The following ATRN variants were observed in gnomAD, a reference collection of about 807,000 sequenced individuals.
ATRN encodes attractin.
In ATRN, 54 loss-of-function variants were observed where a neutral mutation model predicts 178.7. The ratio of observed to expected loss-of-function variants is 0.30; its 90% CI spans 0.24 to 0.38. The LOEUF is 0.38. Ranked by LOEUF, ATRN falls within the 10% of genes least tolerant of loss-of-function variation. The pLI is 1.00. For synonymous variants in ATRN, 636 were observed against 663.0 expected, an observed-to-expected ratio of 0.96 and a Z score of 0.63; for missense variants, 1,443 against 1,815.1, an observed-to-expected ratio of 0.79 and a Z score of 3.73.
At chr20:3,608,756 C>T (rs1464961146) in intron 24 of ATRN, among the ~76,000 whole-genome samples, 1 of 152,112 alleles carries the variant, frequency 6.6e-6, no homozygotes, top group Non-Finnish European at 1.5e-5. Flanking sequence ...CACCTGAGGT[C>T]AGGAGTTCGA....
chr20:3,542,335 C>T (rs1047076522), intron 3 of ATRN, among the ~76,000 whole-genome samples: 1 of 152,248 alleles, frequency 6.6e-6, no homozygotes, highest in Non-Finnish European at 1.5e-5. Context: ...TATCAGGAGC[C>T]TTGTAGGAAC....
At chr20:3,607,225 A>G (rs551223400) in intron 24 of ATRN, among the ~76,000 whole-genome samples, 1 of 152,202 alleles carries the variant, frequency 6.6e-6, no homozygotes, top group Non-Finnish European at 1.5e-5. Flanking sequence ...CACCTCAAAC[A>G]TTTATCATTT....
chr20:3,577,842 T>C (rs1256702756), intron 14 of ATRN, among the ~76,000 whole-genome samples: 1 of 152,220 alleles, frequency 6.6e-6, no homozygotes, highest in Non-Finnish European at 1.5e-5. Flanking sequence ...TGTTCTTAAA[T>C]GATCTCTTTC....
At chr20:3,616,106 T>G (rs1438747880) in intron 24 of ATRN, among the ~76,000 whole-genome samples, 3 of 152,172 alleles carry the variant, frequency 2.0e-5, no homozygotes, top group African/African-American at 7.2e-5. Context: ...CTTTTCAGCT[T>G]TCGCTTTGGT....
At chr20:3,489,586 A>G (rs1482446934) in intron 1 of ATRN, 17 of 1,484,486 alleles carry the variant, frequency 1.1e-5, no homozygotes, top group Admixed American at 1.0e-4. Flanking sequence ...CAACATTCCC[A>G]CTTGAGTCTT....
intron 1 of ATRN, among the ~76,000 whole-genome samples, chr20:3,503,543 A>C (rs1349637254): frequency 1.3e-5 from 2 of 152,160 alleles, no homozygotes; most frequent in Admixed American, 1.3e-4. Flanking sequence ...TAAATAAATG[A>C]AATAAAAAAG....
chr20:3,646,909 G>A lies in ATRN; in HGVS notation c.*62G>A. On this transcript the variant is annotated 3_prime_UTR_variant, in exon 29 of 29. Transcript: ENST00000262919. ...GAGTGGCACACCAGAGCCATCTGCA[G>A]GGAAGGGCGTGGCGGGGAAATGGCT... 1 of 1,596,500 alleles carries A rather than the reference G, an allele frequency of 6.3e-7. No homozygotes were observed. Among genetic ancestry groups the A allele is most frequent in the Admixed American group, 1.7e-5 (1 of 58,210 alleles).
chr20:3,476,914 AACT>A (rs1292411740), intron 1 of ATRN, among the ~76,000 whole-genome samples: 1,622 of 152,372 alleles, frequency 0.011, 29 homozygotes, highest in African/African-American at 0.037. Context: ...GAAAAGTTAA[AACT>A]TTTTTCTTAT....
intron 24 of ATRN, among the ~76,000 whole-genome samples, chr20:3,617,241 T>G (rs2086856626): frequency 6.6e-6 from 1 of 152,092 alleles, no homozygotes; most frequent in Admixed American, 6.5e-5. Context: ...TGGTTAGAAT[T>G]TTGTCCAGAG....
intron 1 of ATRN, chr20:3,489,624 C>T (rs2084754603): frequency 4.1e-6 from 6 of 1,458,832 alleles, no homozygotes; most frequent in Non-Finnish European, 5.8e-6. Context: ...GTCAGGCTGC[C>T]ATCATTCTGA....
At chr20:3,639,606 G>A (rs774081224) in intron 27 of ATRN, among the ~76,000 whole-genome samples, 12 of 151,954 alleles carry the variant, frequency 7.9e-5, no homozygotes, top group Non-Finnish European at 1.8e-4. Context: ...ATAATACACT[G>A]TGTATTAATA....
At chr20:3,493,971 A>G (rs559319553) in intron 1 of ATRN, among the ~76,000 whole-genome samples, 1 of 152,352 alleles carries the variant, frequency 6.6e-6, no homozygotes, top group South Asian at 2.1e-4. Context: ...AAAGAGGTGA[A>G]TGAGATATGT....
chr20:3,525,445 A>T (rs2085350947), intron 1 of ATRN, among the ~76,000 whole-genome samples: 1 of 152,222 alleles, frequency 6.6e-6, no homozygotes, highest in Non-Finnish European at 1.5e-5. Context: ...GCCCAGACAG[A>T]TTCACAGCCG....
At chr20:3,639,432 T>C (rs2087050623) in intron 27 of ATRN, among the ~76,000 whole-genome samples, 1 of 152,118 alleles carries the variant, frequency 6.6e-6, no homozygotes, top group Non-Finnish European at 1.5e-5. Flanking sequence ...TTTGTATTTT[T>C]AGTGGAGATG....
At chr20:3,519,814 T>C (rs1031534780) in intron 1 of ATRN, among the ~76,000 whole-genome samples, 3 of 152,184 alleles carry the variant, frequency 2.0e-5, no homozygotes, top group Non-Finnish European at 4.4e-5. Flanking sequence ...GGTATCACAT[T>C]TCAAATTTGA....
At chr20:3,641,037 T>C (rs1021725092) in intron 27 of ATRN, among the ~76,000 whole-genome samples, 2 of 152,204 alleles carry the variant, frequency 1.3e-5, no homozygotes, top group Non-Finnish European at 2.9e-5. Context: ...ATTACACTTT[T>C]AAGAGATACA....
At chr20:3,504,902 A>G (rs1235339639) in intron 1 of ATRN, among the ~76,000 whole-genome samples, 2 of 152,092 alleles carry the variant, frequency 1.3e-5, no homozygotes, top group African/African-American at 4.8e-5. Context: ...GTTGTTACTA[A>G]TAAGCAGATT....
rs990781057 is a variant in ATRN, at chr20:3,607,836, A to C, written c.3801+3574A>C. ...GTACTAAATAATTTACATTCCCACC[A>C]GCAGTGAACTAGTATCGTCTTTCTC... On this transcript the variant is annotated intron_variant, in intron 24 of 28. Coordinates refer to ENST00000262919, the MANE Select transcript of ATRN (RefSeq NM_139321.3). Among the ~76,000 whole-genome samples, 68 of 152,334 alleles carry C rather than the reference A, an allele frequency of 4.5e-4. 1 individual carries two copies. The highest frequency in any genetic ancestry group is 4.4e-5 in the Non-Finnish European group (3 of 68,030).
At position 3,646,929 on chromosome 20, in the gene ATRN, ATGGC is replaced by A; in HGVS notation, c.*85_*88del. The A allele has an allele frequency of 1.3e-6, 2 of 1,558,598 alleles. No individual in the cohort carries two copies. The highest frequency in any genetic ancestry group is 2.3e-5 in the East Asian group (1 of 43,386). ...CTGCAGGGAAGGGCGTGGCGGGGAAATGGCTGTGCGGTGCGGGACGGAAGACTGG... is the reference window on the plus strand; with the variant it reads ...CTGCAGGGAAGGGCGTGGCGGGGAAATGTGCGGTGCGGGACGGAAGACTGG... On this transcript the variant is annotated 3_prime_UTR_variant, in exon 29 of 29. Coordinates refer to ENST00000262919, the MANE Select transcript of ATRN (RefSeq NM_139321.3).
Sources: allele counts gnomAD v4.1 joint callset (sites outside exome capture counted in the v4.1 genomes callset), GRCh38; gene constraint gnomAD v4.1.1; transcripts MANE v1.5; gene names NCBI Gene and HGNC (gene_info 2026-07-23, HGNC 2026-07-21).